Variants in USP9X observed in about 807,000 individuals in gnomAD.
USP9X encodes ubiquitin specific peptidase 9 X-linked, also known as ubiquitin carboxyl-terminal hydrolase 9X.
USP9X carries 7 observed loss-of-function variants against 190.3 expected under a neutral mutation model. The observed-to-expected ratio is 0.04, with a 90% CI of 0.02 to 0.07. USP9X has a LOEUF of 0.07. Among genes scored for constraint, USP9X ranks in the 10% least tolerant of loss-of-function variants. The pLI is 1.00. For synonymous variants in USP9X, 645 were observed against 659.5 expected, an observed-to-expected ratio of 0.98 and a Z score of 0.34; for missense variants, 1,010 against 1,916.9, an observed-to-expected ratio of 0.53 and a Z score of 8.83.
chrX:41,229,831 A>G (rs763123287), intron 43 of USP9X, 52 bp downstream of exon 43: 1 of 1,204,225 alleles, frequency 8.3e-7, no homozygotes, highest in Non-Finnish European at 1.1e-6. Context: ...GAGCAAAGTA[A>G]TTCTTTATTT....
In USP9X at chrX:41,128,852, G is replaced by C. The variant is rs1405152516; in HGVS notation, c.97-148G>C. 5.1e-6 allele frequency: 3 copies of C among 583,473 alleles called. No homozygotes were observed. In the African/African-American group the frequency reaches 7.0e-5, roughly 14 times the overall value. The allele number at this position is 583,473 out of a possible 1,213,427, so 48.1% of individuals were successfully genotyped here. On this transcript the variant is annotated intron_variant, in intron 2 of 44. Transcript: ENST00000378308. ...TGAATATTTTCGATCCAAGGTTGTTGGTTGACTTTGCAGATGCAGAACCCA... is the reference window on the plus strand; with the variant it reads ...TGAATATTTTCGATCCAAGGTTGTTCGTTGACTTTGCAGATGCAGAACCCA...
intron 7 of USP9X, 41 bp from the exon 8 acceptor site, chrX:41,140,925 A>G (rs1225978397): frequency 8.8e-7 from 1 of 1,136,906 alleles, no homozygotes; most frequent in Non-Finnish European, 1.2e-6. Context: ...GATTTTAAGA[A>G]ATTGCGTATT....
chrX:41,235,152 G>T lies in USP9X; in HGVS notation c.*2628G>T, dbSNP rs2063391353. 8.9e-6 allele frequency: 1 copy of T among 112,151 alleles called. No homozygotes were observed. Among genetic ancestry groups the T allele is most frequent in the Non-Finnish European group, 1.9e-5 (1 of 53,224 alleles). The allele number at this position is 112,151 out of a possible 1,213,427, so 9.2% of individuals were successfully genotyped here. On this transcript the variant is annotated 3_prime_UTR_variant, in exon 45 of 45. Coordinates refer to ENST00000378308, the MANE Select transcript of USP9X (RefSeq NM_001039591.3). ...CCCCCTTGTGCCAGGTGAGGGGCTT[G>T]TGAGTCATTTTTGTCTCCATTTGAG...
intron 15 of USP9X, among the ~76,000 whole-genome samples, chrX:41,165,155 G>C (rs1284801568): frequency 3.2e-5 from 3 of 93,648 alleles, no homozygotes; most frequent in Non-Finnish European, 6.7e-5. Context: ...TAAGCAGGCT[G>C]CTAAGTCTTT....
In USP9X at chrX:41,236,250, A is replaced by G. The variant is rs2063397860; in HGVS notation, c.*3726A>G. ...ATGTGAGTGTTCAGTTTTTGCAAAT[A>G]AGGTTTTTGAGTGTGATAAAACACT... On this transcript the variant is annotated 3_prime_UTR_variant, in exon 45 of 45. Transcript: ENST00000378308. 8.9e-6 allele frequency: 1 copy of G among 111,880 alleles called. No homozygotes were observed. Among genetic ancestry groups the G allele is most frequent in the African/African-American group, 3.2e-5 (1 of 30,782 alleles). The allele number at this position is 111,880 out of a possible 1,213,427, so 9.2% of individuals were successfully genotyped here. A position where few individuals can be genotyped will look rare whatever the true frequency, so the allele number is the denominator to read the frequency against.
At chrX:41,187,088 C>G (rs957933769) in intron 24 of USP9X, among the ~76,000 whole-genome samples, 3 of 111,230 alleles carry the variant, frequency 2.7e-5, no homozygotes, top group African/African-American at 9.8e-5. Context: ...CTGCCTCAGC[C>G]TCCCAGAGTG....
At chrX:41,174,364 A>G (rs912495096) in intron 21 of USP9X, among the ~76,000 whole-genome samples, 2 of 111,422 alleles carry the variant, frequency 1.8e-5, no homozygotes, top group Non-Finnish European at 3.8e-5. Flanking sequence ...CCCACCCCCC[A>G]TGGATACCGG....
At chrX:41,197,604 G>T in intron 29 of USP9X, 94 bp downstream of exon 29, 1 of 770,371 alleles carries the variant, frequency 1.3e-6, no homozygotes, top group Non-Finnish European at 1.7e-6. Context: ...TCATGTCTTT[G>T]TACTTTCTTG....
At chrX:41,163,008 G>C (rs1477770858) in intron 15 of USP9X, 131 bp downstream of exon 15, 9 of 370,130 alleles carry the variant, frequency 2.4e-5, no homozygotes, top group Non-Finnish European at 4.1e-5. Context: ...ACATTTCCCT[G>C]TATTTGTTAC....
At chrX:41,096,180 C>T (rs2061990111) in intron 1 of USP9X, among the ~76,000 whole-genome samples, 1 of 112,452 alleles carries the variant, frequency 8.9e-6, no homozygotes, top group African/African-American at 3.2e-5. Flanking sequence ...ATTATCAAAG[C>T]ACAAGTGTCA....
chrX:41,141,632 C>T (rs1159406824), intron 9 of USP9X, among the ~76,000 whole-genome samples: 1 of 111,689 alleles, frequency 9.0e-6, no homozygotes, highest in Non-Finnish European at 1.9e-5. Flanking sequence ...ATATGGGTAG[C>T]TTTAAAACAT....
chrX:41,096,927 G>A (rs775896141), intron 1 of USP9X, among the ~76,000 whole-genome samples: 1 of 112,355 alleles, frequency 8.9e-6, no homozygotes, highest in Non-Finnish European at 1.9e-5. Flanking sequence ...AAGAGAAATT[G>A]TCAAGTAAAG....
chrX:41,219,399 T>C (rs2063240763), intron 38 of USP9X, among the ~76,000 whole-genome samples, 168 bp downstream of exon 38: 1 of 111,653 alleles, frequency 9.0e-6, no homozygotes, highest in East Asian at 2.8e-4. Flanking sequence ...ACTTTGTTTA[T>C]GCATGTGTCT....
At chrX:41,100,331 A>G (rs2062025283) in intron 1 of USP9X, among the ~76,000 whole-genome samples, 1 of 112,083 alleles carries the variant, frequency 8.9e-6, no homozygotes, top group Admixed American at 9.5e-5. Context: ...TCTCTGTTGT[A>G]TATATAAGGA....
In USP9X at chrX:41,123,729, G is replaced by A; in HGVS notation, c.96+5G>A. ...CCCCCCCTCCAACAGAATCAGGTAG[G>A]ATGTTGAAGATACTAGTTAAAGCTA... On this transcript the variant is annotated splice_donor_5th_base_variant and intron_variant, in intron 2 of 44. Coordinates refer to ENST00000378308, the MANE Select transcript of USP9X (RefSeq NM_001039591.3). 8.3e-7 allele frequency: 1 copy of A among 1,204,360 alleles called. No individual in the cohort carries two copies. The highest frequency in any genetic ancestry group is 1.1e-6 in the Non-Finnish European group (1 of 889,983).
intron 33 of USP9X, among the ~76,000 whole-genome samples, chrX:41,210,963 C>T: frequency 9.1e-6 from 1 of 109,725 alleles, no homozygotes. Context: ...TTCCTTTCTC[C>T]TTTTTCTTTT....
At chrX:41,143,530 G>A in intron 10 of USP9X, 87 bp downstream of exon 10, 5 of 879,646 alleles carry the variant, frequency 5.7e-6, no homozygotes, top group Non-Finnish European at 7.6e-6. Flanking sequence ...TGAAATGGAT[G>A]CAGGCTTGTA....
intron 43 of USP9X, among the ~76,000 whole-genome samples, 156 bp from the exon 44 acceptor site, chrX:41,230,345 T>TG (rs1223348797): frequency 1.8e-5 from 2 of 110,685 alleles, no homozygotes; most frequent in African/African-American, 6.5e-5. Context: ...TGTTTTTTTT[T>TG]TTTTTGTTTT....
intron 1 of USP9X, among the ~76,000 whole-genome samples, chrX:41,110,080 C>G (rs2062097569): frequency 9.0e-6 from 1 of 111,004 alleles, no homozygotes; most frequent in East Asian, 2.8e-4. Flanking sequence ...GCCACTCCTG[C>G]CTGTTTGAGA....
Sources: allele counts gnomAD v4.1 joint callset (sites outside exome capture counted in the v4.1 genomes callset), GRCh38; gene constraint gnomAD v4.1.1; transcripts MANE v1.5; gene names NCBI Gene and HGNC (gene_info 2026-07-23, HGNC 2026-07-21).